The following BTBD8 variants were observed in gnomAD, a reference collection of about 807,000 sequenced individuals.
BTBD8 encodes the protein BTB domain containing 8.
BTBD8 carries 110 observed loss-of-function variants against 162.9 expected under a neutral mutation model. The observed-to-expected ratio is 0.68, with a 90% confidence interval of 0.58 to 0.79. BTBD8 has a LOEUF of 0.79. Among genes scored for constraint, BTBD8 ranks in the 30% least tolerant of loss-of-function variants. The pLI, the probability that BTBD8 is intolerant of heterozygous loss-of-function variation, is 0.00. For synonymous variants in BTBD8, 667 were observed against 716.1 expected, an observed-to-expected ratio of 0.93 and a Z score of 1.10; for missense variants, 1,905 against 2,085.4, an observed-to-expected ratio of 0.91 and a Z score of 1.68.
At chr1:92,103,268 G>T (rs373346210) in intron 3 of BTBD8, among the ~76,000 whole-genome samples, 14 of 152,164 alleles carry the variant, frequency 9.2e-5, no homozygotes, top group East Asian at 7.7e-4. Context: ...CTTATTACTG[G>T]TGTGTAAACC....
intron 4 of BTBD8, among the ~76,000 whole-genome samples, chr1:92,116,282 C>T (rs1033306837): frequency 6.6e-6 from 1 of 151,938 alleles, no homozygotes; most frequent in African/African-American, 2.4e-5. Flanking sequence ...AGTGAATGTT[C>T]CACATGTACT....
At chr1:92,119,484 C>T (rs1051043962) in intron 4 of BTBD8, among the ~76,000 whole-genome samples, 1 of 151,754 alleles carries the variant, frequency 6.6e-6, no homozygotes, top group Non-Finnish European at 1.5e-5. Flanking sequence ...CAAGTTCTTC[C>T]TGCGCTGGCC....
intron 13 of BTBD8, among the ~76,000 whole-genome samples, chr1:92,172,831 A>G (rs907869460): frequency 2.6e-5 from 4 of 152,254 alleles, no homozygotes; most frequent in Non-Finnish European, 5.9e-5. Flanking sequence ...GTTTTTGCCA[A>G]TTAACCTCTT....
At chr1:92,149,347 C>CA (rs1459856638) in intron 9 of BTBD8, among the ~76,000 whole-genome samples, 1 of 151,758 alleles carries the variant, frequency 6.6e-6, no homozygotes, top group Non-Finnish European at 1.5e-5. Context: ...CTCCTAAAAA[C>CA]AAAAAAAGGA....
chr1:92,103,575 A>G (rs934524392), intron 3 of BTBD8, among the ~76,000 whole-genome samples: 1 of 152,182 alleles, frequency 6.6e-6, no homozygotes, highest in African/African-American at 2.4e-5. Context: ...TAGCCCATGC[A>G]GTGGGATTGC....
chr1:92,144,166 G>T (rs1173853800), intron 7 of BTBD8, among the ~76,000 whole-genome samples: 1 of 150,994 alleles, frequency 6.6e-6, no homozygotes, highest in Non-Finnish European at 1.5e-5. Context: ...TAGAGACGGG[G>T]TTTTATCATG....
At position 92,080,720 on chromosome 1, in the gene BTBD8, G is replaced by A; in HGVS notation, c.149G>A (p.Arg50Lys). 1 of 1,608,166 alleles carries A rather than the reference G, an allele frequency of 6.2e-7. No individual in the cohort carries two copies. The change falls in exon 1 of 18, where the codon AGG becomes AAG. Residue 50 changes from arginine (R) to lysine (K), a missense_variant and splice_region_variant. Transcript: ENST00000636805. ...GAGCAGCTCAGCCAGGATTTGCTCA[G>A]GTAGGAGGAGGCGGGAACTCTGGCT... ...VSEQLSQDLL[R>K]LLREEFHTDV...
chr1:92,183,970 GCAGA>G lies in BTBD8; in HGVS notation c.5020_5023del (p.Gln1674LysfsTer27). ...AGATGGATGTAATAGAAGCATTTGA[GCAGA>G]AAGTGGAATCAGAAACACATGTTAC... On this transcript the variant is annotated frameshift_variant, in exon 18 of 18. Transcript: ENST00000636805. LOFTEE classifies it high-confidence loss of function. 6.4e-7 allele frequency: 1 copy of G among 1,551,490 alleles called. No homozygotes were observed. The highest frequency in any genetic ancestry group is 8.7e-7 in the Non-Finnish European group (1 of 1,146,844).
rs1430413442 is a variant in BTBD8, at chr1:92,080,432, C to A, written c.-140C>A. ...CTCTGGGAGACTGTCTACAAACCGA[C>A]GAGAGGCGTCAACCTTTTACCCTAG... On this transcript the variant is annotated 5_prime_UTR_variant, in exon 1 of 18. Coordinates refer to ENST00000636805, the MANE Select transcript of BTBD8 (RefSeq NM_001376131.1). The A allele has an allele frequency of 1.6e-6, 2 of 1,256,966 alleles. No homozygotes were observed. The highest frequency in any genetic ancestry group is 2.2e-6 in the Non-Finnish European group (2 of 927,962). 77.9% of individuals were successfully genotyped at this position (1,256,966 alleles called of 1,614,324 possible).
intron 4 of BTBD8, among the ~76,000 whole-genome samples, chr1:92,129,080 T>A (rs1443503936): frequency 1.3e-5 from 2 of 152,108 alleles, no homozygotes; most frequent in Non-Finnish European, 2.9e-5. Context: ...GGTTTGCTGA[T>A]CAGTACTTTG....
chr1:92,164,834 T>C (rs1650350020), intron 9 of BTBD8, among the ~76,000 whole-genome samples: 1 of 151,846 alleles, frequency 6.6e-6, no homozygotes, highest in Admixed American at 6.6e-5. Context: ...GCTAATTTTT[T>C]ATATTTTTGT....
At chr1:92,159,932 T>C (rs1650244331) in intron 9 of BTBD8, among the ~76,000 whole-genome samples, 1 of 152,216 alleles carries the variant, frequency 6.6e-6, no homozygotes, top group South Asian at 2.1e-4. Flanking sequence ...TGTCTGTTTC[T>C]TTCTCCAGAT....
chr1:92,178,562 C>A, intron 16 of BTBD8, 111 bp downstream of exon 16: 2 of 826,040 alleles, frequency 2.4e-6, no homozygotes, highest in Non-Finnish European at 3.7e-6. Flanking sequence ...TGGTTTTACT[C>A]ATTTTATGTT....
At chr1:92,153,149 A>G (rs1650086514) in intron 9 of BTBD8, among the ~76,000 whole-genome samples, 1 of 151,990 alleles carries the variant, frequency 6.6e-6, no homozygotes, top group African/African-American at 2.4e-5. Context: ...ATAGTTCAAA[A>G]TTGTTACATT....
At chr1:92,122,871 G>A (rs1229084652) in intron 4 of BTBD8, among the ~76,000 whole-genome samples, 31 of 152,152 alleles carry the variant, frequency 2.0e-4, no homozygotes, top group Admixed American at 2.0e-3. Flanking sequence ...GGCCAGGGAT[G>A]TCATTTTTTA....
At chr1:92,161,870 A>C (rs1650281376) in intron 9 of BTBD8, among the ~76,000 whole-genome samples, 1 of 152,230 alleles carries the variant, frequency 6.6e-6, no homozygotes, top group African/African-American at 2.4e-5. Context: ...GTAACCCAAT[A>C]CACTGACACA....
intron 9 of BTBD8, among the ~76,000 whole-genome samples, chr1:92,149,474 G>A (rs1201211945): frequency 6.6e-6 from 1 of 152,192 alleles, no homozygotes; most frequent in Non-Finnish European, 1.5e-5. Flanking sequence ...ACTAAGTATG[G>A]TTTTAAGAGA....
At position 92,080,635 on chromosome 1, in the gene BTBD8, A is replaced by C. The variant is rs761718853; in HGVS notation, c.64A>C (p.Ser22Arg). ...MVLLGSAGVC[S>R]KGLQRKGPCE... ...ACTTCTGGGGTCCGCTGGAGTTTGC[A>C]GTAAGGGGTTGCAAAGGAAGGGGCC... Residue 22 changes from serine (S) to arginine (R), a missense_variant, in exon 1 of 18, where the codon AGT (serine) becomes CGT (arginine). Ser to Arg is a moderately radical substitution (Grantham distance 110). Transcript: ENST00000636805. 1.9e-6 allele frequency: 3 copies of C among 1,613,938 alleles called. No individual in the cohort carries two copies.
chr1:92,114,838 C>A, intron 4 of BTBD8: 1 of 340,080 alleles, frequency 2.9e-6, no homozygotes, highest in Non-Finnish European at 5.7e-6. Context: ...TGAAACCCAC[C>A]ACCCTGTTGC....
Sources: gnomAD v4.1 joint callset for allele counts (sites outside exome capture counted in the v4.1 genomes callset) on GRCh38, gnomAD v4.1.1 for gene constraint, MANE v1.5 for transcripts, NCBI Gene and HGNC (gene_info 2026-07-23, HGNC 2026-07-21) for gene names.